TECRL: variants seen among roughly 807,000 people sequenced by gnomAD.
TECRL encodes the protein trans-2,3-enoyl-CoA reductase-like.
Under a neutral mutation model 52.8 loss-of-function variants are expected in TECRL, and 63 were observed. That is an observed-to-expected ratio of 1.19 (90% CI 0.97 to 1.47). TECRL has a LOEUF of 1.47. Ranked by LOEUF, TECRL falls within the 40% of genes most tolerant of loss-of-function variation. The probability of loss-of-function intolerance (pLI) is 0.00; values close to 1 mark genes in which losing one functional copy is unlikely to be tolerated. For missense variants in TECRL, 482 were observed against 429.6 expected (o/e 1.12, Z -1.08); for synonymous variants, 164 against 141.9 (o/e 1.16, Z -1.10).
chr4:64,335,788 T>G (rs1208724793), intron 2 of TECRL, among the ~76,000 whole-genome samples: 4 of 152,182 alleles, frequency 2.6e-5, no homozygotes, highest in Admixed American at 1.3e-4. Flanking sequence ...GTCCTTTTTC[T>G]TATTAAATGC....
At chr4:64,306,394 A>G (rs1724340939) in intron 6 of TECRL, among the ~76,000 whole-genome samples, 1 of 152,146 alleles carries the variant, frequency 6.6e-6, no homozygotes. Flanking sequence ...GTGTTACGCA[A>G]AGGCCTTTGG....
chr4:64,383,850 G>A (rs1456593554), intron 1 of TECRL, among the ~76,000 whole-genome samples: 1 of 151,694 alleles, frequency 6.6e-6, no homozygotes. Flanking sequence ...TGATGTAACA[G>A]TTGCTTCTTC....
intron 1 of TECRL, among the ~76,000 whole-genome samples, chr4:64,408,243 C>A (rs17084842): frequency 2.0e-5 from 3 of 151,630 alleles, no homozygotes; most frequent in African/African-American, 7.3e-5. Flanking sequence ...CATGGAAAAA[C>A]GGAATGATTG....
Position 64,279,891 on chromosome 4 carries a change from A to G in TECRL, c.*181T>C, listed in dbSNP as rs1025335628. 1 of 1,165,612 alleles carries G rather than the reference A, an allele frequency of 8.6e-7. No individual in the cohort carries two copies. The highest frequency in any genetic ancestry group is 1.1e-6 in the Non-Finnish European group (1 of 944,012). 72.2% of individuals were successfully genotyped at this position (1,165,612 alleles called of 1,614,324 possible). On this transcript the variant is annotated 3_prime_UTR_variant, in exon 12 of 12. Coordinates refer to ENST00000381210, the MANE Select transcript of TECRL (RefSeq NM_001010874.5). The stretch of plus-strand genomic sequence containing the variant: ...TCTTAGTTAATTGCATTTATAATTT[A>G]TACTTTTTATTACCATGTGCATTTC...
intron 3 of TECRL, among the ~76,000 whole-genome samples, chr4:64,324,358 C>T (rs1033169312): frequency 6.6e-6 from 1 of 151,606 alleles, no homozygotes; most frequent in African/African-American, 2.4e-5. Context: ...AGCTCAAATA[C>T]CAAAATGGAT....
intron 3 of TECRL, among the ~76,000 whole-genome samples, chr4:64,325,727 G>T (rs1373029308): frequency 6.6e-6 from 1 of 152,070 alleles, no homozygotes; most frequent in African/African-American, 2.4e-5. Context: ...CTGAAAATAT[G>T]TTTCCAATAT....
chr4:64,353,270 T>G (rs1340511443), intron 2 of TECRL, among the ~76,000 whole-genome samples: 2 of 152,154 alleles, frequency 1.3e-5, no homozygotes, highest in East Asian at 3.9e-4. Flanking sequence ...TAATACACAG[T>G]GTGCATATAT....
At chr4:64,314,801 T>A (rs761111142) in intron 4 of TECRL, 38 bp from the exon 5 acceptor site, 3 of 1,426,964 alleles carry the variant, frequency 2.1e-6, no homozygotes, top group Non-Finnish European at 3.0e-6. Context: ...ACGATAAAAA[T>A]AGATGTTTTT....
At chr4:64,301,731 G>C (rs572289264) in intron 7 of TECRL, among the ~76,000 whole-genome samples, 53 of 151,292 alleles carry the variant, frequency 3.5e-4, no homozygotes, top group Middle Eastern at 6.8e-3. Context: ...ATGCACATTA[G>C]TATAGAGAAG....
chr4:64,301,257 CAT>C (rs1724003582), intron 7 of TECRL, among the ~76,000 whole-genome samples: 1 of 150,958 alleles, frequency 6.6e-6, no homozygotes, highest in Non-Finnish European at 1.5e-5. Context: ...TTGACATATT[CAT>C]ATATGTTGTA....
chr4:64,335,551 C>G (rs1347637904), intron 2 of TECRL, among the ~76,000 whole-genome samples: 1 of 152,168 alleles, frequency 6.6e-6, no homozygotes, highest in African/African-American at 2.4e-5. Flanking sequence ...CTCCCTACAT[C>G]CCCTGTGTGT....
intron 1 of TECRL, among the ~76,000 whole-genome samples, chr4:64,401,054 T>C (rs921073670): frequency 6.6e-6 from 1 of 152,194 alleles, no homozygotes; most frequent in African/African-American, 2.4e-5. Context: ...CTCCCAAATG[T>C]GGCAGTCTTG....
intron 1 of TECRL, among the ~76,000 whole-genome samples, chr4:64,375,884 G>C (rs1285209256): frequency 6.6e-6 from 1 of 151,738 alleles, no homozygotes; most frequent in Non-Finnish European, 1.5e-5. Context: ...GAGGACTAAA[G>C]TTCCATGCAA....
Position 64,316,587 on chromosome 4 carries a change from C to T in TECRL, c.436-1824G>A, listed in dbSNP as rs530958123. 2.6e-5 allele frequency among the ~76,000 whole-genome samples: 4 copies of T among 152,120 alleles called. No homozygotes were observed. In the South Asian group the frequency reaches 8.3e-4, roughly 32 times the overall value. On this transcript the variant is annotated intron_variant, in intron 4 of 11. Coordinates refer to ENST00000381210, the MANE Select transcript of TECRL (RefSeq NM_001010874.5). ...CTAGATAGACACATATTAATATGGT[C>T]TTCTGAAAATGGAACTGGTCTTTTC...
intron 2 of TECRL, among the ~76,000 whole-genome samples, chr4:64,368,544 T>C (rs1194159788): frequency 6.6e-6 from 1 of 152,142 alleles, no homozygotes; most frequent in African/African-American, 2.4e-5. Flanking sequence ...TCCGCCCGCC[T>C]TGGCCTCCGA....
intron 2 of TECRL, among the ~76,000 whole-genome samples, chr4:64,354,535 A>G (rs936417736): frequency 1.3e-5 from 2 of 152,190 alleles, no homozygotes; most frequent in Admixed American, 6.5e-5. Flanking sequence ...GATATTGGTG[A>G]AAGCTCTAAG....
intron 1 of TECRL, among the ~76,000 whole-genome samples, chr4:64,379,417 A>C (rs1722628105): frequency 1.3e-5 from 2 of 152,292 alleles, no homozygotes; most frequent in Admixed American, 1.3e-4. Context: ...ATGAAATGTG[A>C]AATGATCAAA....
At chr4:64,317,776 A>C (rs572805025) in intron 4 of TECRL, among the ~76,000 whole-genome samples, 105 of 152,328 alleles carry the variant, frequency 6.9e-4, no homozygotes, top group Admixed American at 6.9e-3. Context: ...ATTTTTAAAA[A>C]GCCTTTTTCA....
intron 2 of TECRL, among the ~76,000 whole-genome samples, chr4:64,347,646 T>C (rs772527728): frequency 2.6e-5 from 4 of 151,946 alleles, no homozygotes; most frequent in East Asian, 1.9e-4. Flanking sequence ...ACACGGGAAA[T>C]TGCCATTTAT....
Sources: gnomAD v4.1 joint callset for allele counts (sites outside exome capture counted in the v4.1 genomes callset) on GRCh38, gnomAD v4.1.1 for gene constraint, MANE v1.5 for transcripts, NCBI Gene and HGNC (gene_info 2026-07-23, HGNC 2026-07-21) for gene names.